Variants in TTC29 observed in about 807,000 individuals in gnomAD.
The protein encoded by TTC29 is tetratricopeptide repeat domain 29.
A neutral mutation model predicts 58.1 loss-of-function variants in TTC29; 49 were observed. That is an observed-to-expected ratio of 0.84 (90% CI 0.67 to 1.07). TTC29 has a LOEUF of 1.07. Among genes scored for constraint, TTC29 ranks in the 50% least tolerant of loss-of-function variants. TTC29 has a pLI of 0.00. For missense variants in TTC29, 582 were observed against 555.6 expected (o/e 1.05, Z -0.48); for synonymous variants, 209 against 196.8 (o/e 1.06, Z -0.52).
intron 10 of TTC29, among the ~76,000 whole-genome samples, chr4:146,808,912 A>T (rs1750816159): frequency 6.6e-6 from 1 of 152,176 alleles, no homozygotes; most frequent in Non-Finnish European, 1.5e-5. Flanking sequence ...AACTAAAAAA[A>T]GAGCCTGTAT....
intron 8 of TTC29, among the ~76,000 whole-genome samples, chr4:146,860,410 A>G (rs1730150729): frequency 6.6e-6 from 1 of 152,204 alleles, no homozygotes; most frequent in Non-Finnish European, 1.5e-5. Context: ...ATATATATCA[A>G]ATAAAAATTT....
At chr4:146,762,215 C>A in intron 11 of TTC29, among the ~76,000 whole-genome samples, 1 of 151,998 alleles carries the variant, frequency 6.6e-6, no homozygotes, top group Non-Finnish European at 1.5e-5. Context: ...GGATTCATTT[C>A]AGCCAAACTT....
At chr4:146,816,538 G>GAGGGAT (rs1025503770) in intron 10 of TTC29, among the ~76,000 whole-genome samples, 2 of 152,104 alleles carry the variant, frequency 1.3e-5, no homozygotes, top group African/African-American at 4.8e-5. Context: ...AGATGGGGGA[G>GAGGGAT]AGGGATAGGA....
intron 6 of TTC29, among the ~76,000 whole-genome samples, chr4:146,882,924 C>G (rs1275890912): frequency 1.3e-5 from 2 of 151,650 alleles, no homozygotes; most frequent in Non-Finnish European, 2.9e-5. Context: ...CCAGGCGTGA[C>G]ACTAGCTGCT....
intron 11 of TTC29, among the ~76,000 whole-genome samples, chr4:146,710,178 G>A (rs1179932825): frequency 6.6e-6 from 1 of 152,134 alleles, no homozygotes; most frequent in Non-Finnish European, 1.5e-5. Flanking sequence ...ACATCACAGA[G>A]TGTACTTACA....
intron 11 of TTC29, among the ~76,000 whole-genome samples, chr4:146,795,930 G>A (rs562478336): frequency 6.7e-4 from 102 of 152,306 alleles, no homozygotes; most frequent in Middle Eastern, 3.4e-3. Flanking sequence ...GCAGAGGTAA[G>A]ACCCTTGCTG....
chr4:146,793,305 T>C (rs1749601124), intron 11 of TTC29, among the ~76,000 whole-genome samples: 2 of 152,114 alleles, frequency 1.3e-5, no homozygotes, highest in Admixed American at 6.6e-5. Flanking sequence ...TGTCCTATTT[T>C]AAGAAATTAC....
intron 11 of TTC29, among the ~76,000 whole-genome samples, chr4:146,782,152 A>G (rs1435507276): frequency 6.6e-6 from 1 of 151,858 alleles, no homozygotes; most frequent in African/African-American, 2.4e-5. Flanking sequence ...GATTTCTGGC[A>G]TTCTGATTTA....
chr4:146,828,086 T>C (rs1262898616), intron 9 of TTC29, among the ~76,000 whole-genome samples: 1 of 133,762 alleles, frequency 7.5e-6, no homozygotes, highest in Non-Finnish European at 1.6e-5. Context: ...CAGCTGTGAA[T>C]ACTTTTTATA....
chr4:146,918,322 T>C (rs13106241), intron 4 of TTC29, among the ~76,000 whole-genome samples: 34,292 of 150,868 alleles, frequency 0.23, 4,175 homozygotes, highest in Admixed American at 0.3. Flanking sequence ...TGGCATTTTG[T>C]AAATAGTACT....
intron 6 of TTC29, 24 bp downstream of exon 6, chr4:146,903,520 G>T: frequency 2.5e-6 from 4 of 1,579,244 alleles, no homozygotes; most frequent in South Asian, 1.2e-5. Context: ...CATACCCAAG[G>T]CATCCTGGCA....
At chr4:146,942,824 G>C (rs1006665291) in intron 2 of TTC29, 4 of 463,220 alleles carry the variant, frequency 8.6e-6, no homozygotes, top group Non-Finnish European at 1.5e-5. Flanking sequence ...CTGGGGCCAG[G>C]GTAATCTCTT....
chr4:146,783,238 T>G (rs1324998701), intron 11 of TTC29, among the ~76,000 whole-genome samples: 1 of 152,048 alleles, frequency 6.6e-6, no homozygotes, highest in African/African-American at 2.4e-5. Context: ...ATTATCAAAT[T>G]CCTTTTCACT....
chr4:146,799,261 T>C (rs945733563), intron 11 of TTC29, among the ~76,000 whole-genome samples: 1 of 152,224 alleles, frequency 6.6e-6, no homozygotes, highest in Non-Finnish European at 1.5e-5. Flanking sequence ...TGAAACCTAC[T>C]TGCTTGCTGA....
At chr4:146,935,532 G>T (rs888426523) in intron 4 of TTC29, among the ~76,000 whole-genome samples, 2 of 152,086 alleles carry the variant, frequency 1.3e-5, no homozygotes, top group Non-Finnish European at 2.9e-5. Context: ...ACCAGACAGG[G>T]AGCCAAACTC....
intron 4 of TTC29, among the ~76,000 whole-genome samples, chr4:146,911,039 C>T (rs1733862680): frequency 6.6e-6 from 1 of 152,080 alleles, no homozygotes; most frequent in South Asian, 2.1e-4. Context: ...GAGTAGAAAA[C>T]ACTCATATCC....
Position 146,713,143 on chromosome 4 carries a change from A to G in TTC29, c.1331-5592T>C, listed in dbSNP as rs1579502828. 6.8e-5 allele frequency among the ~76,000 whole-genome samples: 4 copies of G among 58,992 alleles called. No individual in the cohort carries two copies. The South Asian group carries it at 2.3e-3, about 33-fold the overall frequency. 38.7% of individuals were successfully genotyped at this position (58,992 alleles called of 152,430 possible). On this transcript the variant is annotated intron_variant, in intron 11 of 12. Transcript: ENST00000325106. ...GTGTGTGTGTGTGTGTGTGTGTGTA[A>G]GAGGTGGGGGAGGGGAAACAAGTAG...
intron 11 of TTC29, among the ~76,000 whole-genome samples, chr4:146,740,741 A>G (rs980293102): frequency 3.9e-5 from 6 of 152,086 alleles, no homozygotes; most frequent in Non-Finnish European, 8.8e-5. Context: ...TTAGAGATAG[A>G]GTCTCACTCA....
chr4:146,904,463 T>TA (rs1733389254), intron 5 of TTC29, among the ~76,000 whole-genome samples: 1 of 151,510 alleles, frequency 6.6e-6, no homozygotes, highest in South Asian at 2.1e-4. Context: ...TATATCTACA[T>TA]AAAAAAATGT....
Sources: gnomAD v4.1 joint callset for allele counts (sites outside exome capture counted in the v4.1 genomes callset) on GRCh38, gnomAD v4.1.1 for gene constraint, MANE v1.5 for transcripts, NCBI Gene and HGNC (gene_info 2026-07-23, HGNC 2026-07-21) for gene names.